GRID2: variants seen among roughly 807,000 people sequenced by gnomAD.
The protein encoded by GRID2 is glutamate ionotropic receptor delta type subunit 2, also known as glutamate receptor ionotropic, delta-2.
A neutral mutation model predicts 114.8 loss-of-function variants in GRID2; 33 were observed. The ratio of observed to expected loss-of-function variants is 0.29; its 90% CI spans 0.22 to 0.38. GRID2 has a LOEUF of 0.38. Among genes scored for constraint, GRID2 ranks in the 10% least tolerant of loss-of-function variants. The probability of loss-of-function intolerance (pLI) is 1.00; values close to 1 mark genes in which losing one functional copy is unlikely to be tolerated. For synonymous variants in GRID2, 505 were observed against 449.9 expected, an observed-to-expected ratio of 1.12 and a Z score of -1.55; for missense variants, 1,184 against 1,257.7, an observed-to-expected ratio of 0.94 and a Z score of 0.89.
intron 2 of GRID2, among the ~76,000 whole-genome samples, chr4:92,758,722 A>G (rs980573915): frequency 6.6e-6 from 1 of 152,108 alleles, no homozygotes; most frequent in Non-Finnish European, 1.5e-5. Flanking sequence ...GATAAATAGC[A>G]TCTTCATGGC....
chr4:93,146,161 A>G (rs867467831), intron 4 of GRID2, among the ~76,000 whole-genome samples: 2 of 152,088 alleles, frequency 1.3e-5, no homozygotes, highest in Admixed American at 6.6e-5. Context: ...CATTTCCCCT[A>G]TGTCAGGGAA....
intron 14 of GRID2, among the ~76,000 whole-genome samples, chr4:93,755,467 T>G (rs1732665080): frequency 6.6e-6 from 1 of 152,114 alleles, no homozygotes; most frequent in African/African-American, 2.4e-5. Flanking sequence ...TTATGTCAGA[T>G]CACCTCAGTT....
At chr4:92,616,097 C>A (rs1579691125) in intron 2 of GRID2, among the ~76,000 whole-genome samples, 1 of 151,714 alleles carries the variant, frequency 6.6e-6, no homozygotes, top group South Asian at 2.1e-4. Context: ...TGAGTGGATT[C>A]AAATTAGTGT....
intron 13 of GRID2, among the ~76,000 whole-genome samples, chr4:93,575,391 AG>A (rs1736323172): frequency 6.6e-6 from 1 of 152,180 alleles, no homozygotes; most frequent in Non-Finnish European, 1.5e-5. Context: ...TCTAGTGGCA[AG>A]GACTCTGTTC....
At chr4:93,795,969 G>A (rs1561006631) in intron 1 of GRID2, among the ~76,000 whole-genome samples, 1 of 152,168 alleles carries the variant, frequency 6.6e-6, no homozygotes, top group Non-Finnish European at 1.5e-5. Flanking sequence ...CCTTTCTGGA[G>A]CCCGGAGTTC....
At chr4:93,120,910 G>A (rs952256821) in intron 4 of GRID2, among the ~76,000 whole-genome samples, 5 of 151,952 alleles carry the variant, frequency 3.3e-5, no homozygotes, top group Non-Finnish European at 7.4e-5. Flanking sequence ...CCGAGATTGC[G>A]CCACTGCACT....
chr4:92,700,034 T>C (rs1231294523), intron 2 of GRID2, among the ~76,000 whole-genome samples: 2 of 152,198 alleles, frequency 1.3e-5, no homozygotes, highest in Non-Finnish European at 2.9e-5. Flanking sequence ...AAGTTTTCTG[T>C]TGGTAATAAG....
chr4:92,510,225 G>A (rs1401948793), intron 1 of GRID2, among the ~76,000 whole-genome samples: 1 of 151,822 alleles, frequency 6.6e-6, no homozygotes, highest in Admixed American at 6.6e-5. Context: ...TTGATTTGGG[G>A]CAAGAGAGAA....
At chr4:92,344,380 C>T (rs1460123316) in intron 1 of GRID2, among the ~76,000 whole-genome samples, 1 of 152,178 alleles carries the variant, frequency 6.6e-6, no homozygotes, top group Non-Finnish European at 1.5e-5. Context: ...ACTTTCTTCC[C>T]TATGAGTTTT....
chr4:92,365,987 T>C (rs1181527061), intron 1 of GRID2, among the ~76,000 whole-genome samples: 3 of 152,200 alleles, frequency 2.0e-5, no homozygotes, highest in Non-Finnish European at 2.9e-5. Context: ...AGATTAAATA[T>C]GAAACACTTC....
chr4:92,443,511 C>G (rs1051882261), intron 1 of GRID2, among the ~76,000 whole-genome samples: 2 of 151,320 alleles, frequency 1.3e-5, no homozygotes, highest in Non-Finnish European at 3.0e-5. Flanking sequence ...GGGTTCTTAC[C>G]TTCCAGAAAA....
intron 2 of GRID2, among the ~76,000 whole-genome samples, chr4:92,769,116 G>T (rs571273111): frequency 2.0e-4 from 30 of 152,268 alleles, no homozygotes; most frequent in African/African-American, 7.2e-4. Context: ...GATACAATGG[G>T]GGGTACAGAC....
chr4:92,721,084 T>C (rs1285530382), intron 2 of GRID2, among the ~76,000 whole-genome samples: 3 of 152,080 alleles, frequency 2.0e-5, no homozygotes, highest in African/African-American at 4.8e-5. Context: ...GATTCTACTA[T>C]ATGAGACACC....
chr4:93,778,182 G>C (rs530485992), downstream of GRID2, among the ~76,000 whole-genome samples: 16 of 152,168 alleles, frequency 1.1e-4, 1 homozygote, highest in African/African-American at 3.9e-4. Flanking sequence ...GGAGGCAAGG[G>C]TATCAGTATC....
rs753940665 is a variant in GRID2, at chr4:92,590,267, T to G, written c.225T>G (p.Pro75=). Residue 75 remains proline, a synonymous_variant, in exon 2 of 16, where the codon CCT becomes CCG. Coordinates refer to ENST00000282020, the MANE Select transcript of GRID2 (RefSeq NM_001510.4). ...TGACGTTTGTTGATGGCAACAACCC[T>G]TTCCAAGCAGTTCAAGAAGGTAAGG... is the stretch of plus-strand genomic sequence containing the variant. ...FSVTFVDGNN[P]FQAVQEACEL... is the part of the protein sequence containing the mutation. 6.2e-7 allele frequency: 1 copy of G among 1,612,944 alleles called. No homozygotes were observed. The highest frequency in any genetic ancestry group is 2.2e-5 in the East Asian group (1 of 44,804).
chr4:92,517,762 C>A (rs566779046), intron 1 of GRID2, among the ~76,000 whole-genome samples: 1 of 151,864 alleles, frequency 6.6e-6, no homozygotes, highest in South Asian at 2.1e-4. Flanking sequence ...AGGAAATGTT[C>A]CAAATATTAA....
intron 10 of GRID2, among the ~76,000 whole-genome samples, chr4:93,433,075 T>C (rs1014416650): frequency 6.6e-5 from 10 of 152,098 alleles, no homozygotes; most frequent in Non-Finnish European, 1.5e-4. Flanking sequence ...TCTCCAATAA[T>C]GATTGTAAGG....
chr4:93,119,433 A>G (rs934514194), intron 4 of GRID2, among the ~76,000 whole-genome samples: 1 of 152,188 alleles, frequency 6.6e-6, no homozygotes, highest in Non-Finnish European at 1.5e-5. Flanking sequence ...TATAAATTAG[A>G]CATTTTGGCC....
chr4:93,472,216 A>G (rs1028792797), intron 11 of GRID2, among the ~76,000 whole-genome samples: 2 of 151,582 alleles, frequency 1.3e-5, no homozygotes, highest in African/African-American at 4.8e-5. Context: ...CCCAGCTACA[A>G]GGGAGGCTGA....
Sources: allele counts gnomAD v4.1 joint callset (sites outside exome capture counted in the v4.1 genomes callset), GRCh38; gene constraint gnomAD v4.1.1; transcripts MANE v1.5; gene names NCBI Gene and HGNC (gene_info 2026-07-23, HGNC 2026-07-21).